Variants in ZNF521 observed in about 807,000 individuals in gnomAD.
The protein encoded by ZNF521 is LYST-interacting protein 3.
Under a neutral mutation model 105.5 loss-of-function variants are expected in ZNF521, and 14 were observed. That is an observed-to-expected ratio of 0.13 (90% CI 0.09 to 0.21). The LOEUF is 0.21. Among genes scored for constraint, ZNF521 ranks in the 10% least tolerant of loss-of-function variants. ZNF521 has a pLI of 1.00. For missense variants in ZNF521, 1,233 were observed against 1,629.7 expected (o/e 0.76, Z 4.19); for synonymous variants, 635 against 606.0 (o/e 1.05, Z -0.70).
At chr18:25,068,881 G>A (rs549913939) in intron 7 of ZNF521, among the ~76,000 whole-genome samples, 1 of 152,256 alleles carries the variant, frequency 6.6e-6, no homozygotes, top group South Asian at 2.1e-4. Flanking sequence ...CACCCCTAAG[G>A]AAAATTACTC....
At chr18:25,296,036 A>AGCACT (rs1911303937) in intron 3 of ZNF521, among the ~76,000 whole-genome samples, 1 of 152,228 alleles carries the variant, frequency 6.6e-6, no homozygotes, top group Admixed American at 6.5e-5. Flanking sequence ...CTTGGTTAAA[A>AGCACT]GCACTGCACA....
chr18:25,117,938 C>CTAGTCAAA (rs1244482768), intron 5 of ZNF521, among the ~76,000 whole-genome samples: 1 of 151,932 alleles, frequency 6.6e-6, no homozygotes, highest in Non-Finnish European at 1.5e-5. Flanking sequence ...TAAGCATATC[C>CTAGTCAAA]TAGTCAAATA....
At chr18:25,333,794 T>C (rs1913723722) in intron 2 of ZNF521, among the ~76,000 whole-genome samples, 1 of 152,204 alleles carries the variant, frequency 6.6e-6, no homozygotes, top group Admixed American at 6.5e-5. Context: ...GTGGGAAATA[T>C]GAATTTGTTT....
At chr18:25,096,688 G>T (rs1315188430) in intron 5 of ZNF521, among the ~76,000 whole-genome samples, 1 of 152,186 alleles carries the variant, frequency 6.6e-6, no homozygotes, top group Admixed American at 6.5e-5. Context: ...TCTGATCAAC[G>T]CTACAGCCAT....
intron 3 of ZNF521, among the ~76,000 whole-genome samples, chr18:25,306,342 GA>G (rs1339111594): frequency 2.0e-5 from 3 of 152,148 alleles, no homozygotes; most frequent in African/African-American, 7.2e-5. Flanking sequence ...GATGGCCACA[GA>G]TTCTAAGCAA....
At chr18:25,089,815 T>G (rs1184505151) in intron 6 of ZNF521, among the ~76,000 whole-genome samples, 1 of 152,160 alleles carries the variant, frequency 6.6e-6, no homozygotes, top group Non-Finnish European at 1.5e-5. Flanking sequence ...TAAAGGTTTA[T>G]GGAGGCCCTG....
intron 5 of ZNF521, among the ~76,000 whole-genome samples, chr18:25,104,130 T>C (rs994515850): frequency 6.6e-5 from 10 of 152,188 alleles, no homozygotes; most frequent in Non-Finnish European, 1.2e-4. Flanking sequence ...TAATGTCAAA[T>C]TATAAATATG....
chr18:25,210,209 C>T (rs924304584), intron 4 of ZNF521, among the ~76,000 whole-genome samples: 1 of 152,036 alleles, frequency 6.6e-6, no homozygotes, highest in Non-Finnish European at 1.5e-5. Context: ...TTCATGATAC[C>T]TTATAAAGAG....
chr18:25,317,725 A>G (rs1177524120), intron 3 of ZNF521, among the ~76,000 whole-genome samples: 1 of 152,208 alleles, frequency 6.6e-6, no homozygotes, highest in East Asian at 1.9e-4. Context: ...TGTTCTAGGA[A>G]AAATACACCT....
At chr18:25,072,989 C>T (rs1327111075) in intron 7 of ZNF521, among the ~76,000 whole-genome samples, 1 of 152,114 alleles carries the variant, frequency 6.6e-6, no homozygotes, top group Non-Finnish European at 1.5e-5. Flanking sequence ...GCCCCTTCTT[C>T]GTGCTCTAAT....
intron 4 of ZNF521, among the ~76,000 whole-genome samples, chr18:25,218,174 C>CA (rs1905455005): frequency 6.6e-6 from 1 of 152,046 alleles, no homozygotes; most frequent in Admixed American, 6.6e-5. Context: ...TACAATGTTT[C>CA]AAATAGGAAG....
intron 4 of ZNF521, 189 bp downstream of exon 4, chr18:25,224,156 C>T (rs1219049987): frequency 1.6e-6 from 1 of 619,348 alleles, no homozygotes; most frequent in South Asian, 2.1e-5. Flanking sequence ...ACCATTCAAG[C>T]CAAAATGCTG....
rs776049129 is a variant in ZNF521, at chr18:25,226,784, T to A, written c.1134A>T (p.Pro378=). The change falls in exon 4 of 8, where the codon CCA becomes CCT. Residue 378 remains proline, a synonymous_variant. Coordinates refer to ENST00000361524, the MANE Select transcript of ZNF521 (RefSeq NM_015461.3). The surrounding 1 kb of genome is among the most constrained non-coding windows in gnomAD (Gnocchi z 4.1). Reference sequence around the variant, plus strand: ...CGGCCCTCTTCCTCCCTCGACTCTTTGGGATTGGCGGGGCAGCTTCCACCA... The same window carrying A: ...CGGCCCTCTTCCTCCCTCGACTCTTAGGGATTGGCGGGGCAGCTTCCACCA... The part of the protein sequence containing the change: ...STMVEAAPPI[P]KSRGRKRAAQ... 1.2e-6 allele frequency: 2 copies of A among 1,613,992 alleles called. No individual in the cohort carries two copies. Among genetic ancestry groups the A allele is most frequent in the African/African-American group, 2.7e-5 (2 of 74,902 alleles).
intron 3 of ZNF521, among the ~76,000 whole-genome samples, chr18:25,282,223 A>T (rs1423721134): frequency 6.6e-6 from 1 of 152,192 alleles, no homozygotes; most frequent in Non-Finnish European, 1.5e-5. Flanking sequence ...CTTCCAAAAC[A>T]TCCCAAAACT....
At chr18:25,085,242 A>C (rs564181190) in intron 7 of ZNF521, among the ~76,000 whole-genome samples, 2 of 147,208 alleles carry the variant, frequency 1.4e-5, no homozygotes, top group African/African-American at 4.9e-5. Context: ...TATATATATA[A>C]GTATAATATG....
At chr18:25,222,506 C>A (rs551995366) in intron 4 of ZNF521, among the ~76,000 whole-genome samples, 6 of 152,208 alleles carry the variant, frequency 3.9e-5, no homozygotes, top group African/African-American at 1.4e-4. Context: ...TACTAAGAAA[C>A]AAGAGAGTCC....
chr18:25,351,066 C>G (rs1914733555), intron 1 of ZNF521, 119 bp from the exon 2 acceptor site: 2 of 633,204 alleles, frequency 3.2e-6, no homozygotes. Flanking sequence ...CCCTCGCGCC[C>G]TCGCTCCGCG....
intron 3 of ZNF521, among the ~76,000 whole-genome samples, chr18:25,252,959 T>C (rs1169662652): frequency 1.3e-5 from 2 of 152,086 alleles, no homozygotes; most frequent in African/African-American, 2.4e-5. Context: ...TAAGTACTTA[T>C]AAAAACCTTA....
At chr18:25,152,428 GA>G (rs1356960444) in intron 5 of ZNF521, among the ~76,000 whole-genome samples, 2 of 150,630 alleles carry the variant, frequency 1.3e-5, no homozygotes, top group Non-Finnish European at 2.9e-5. Context: ...GCAGCAAGCT[GA>G]GATCGTGCCA....
Sources: gnomAD v4.1 joint callset for allele counts (sites outside exome capture counted in the v4.1 genomes callset) on GRCh38, gnomAD v4.1.1 for gene constraint, Gnocchi (gnomAD v3.1) non-coding constraint, MANE v1.5 for transcripts, NCBI Gene and HGNC (gene_info 2026-07-23, HGNC 2026-07-21) for gene names.